The following TLE4 variants were observed in gnomAD, a reference collection of about 807,000 sequenced individuals.
TLE4 encodes TLE family member 4, transcriptional corepressor.
Under a neutral mutation model 92.8 loss-of-function variants are expected in TLE4, and 8 were observed. The ratio of observed to expected loss-of-function variants is 0.09; its 90% CI spans 0.05 to 0.16. TLE4 has a LOEUF of 0.16. Among genes scored for constraint, TLE4 ranks in the 10% least tolerant of loss-of-function variants. The pLI is 1.00. For missense variants in TLE4, 675 were observed against 997.6 expected (o/e 0.68, Z 4.36); for synonymous variants, 371 against 374.1 (o/e 0.99, Z 0.10).
chr9:79,713,009 T>G (rs1399425782), intron 14 of TLE4, among the ~76,000 whole-genome samples: 1 of 152,240 alleles, frequency 6.6e-6, no homozygotes, highest in Non-Finnish European at 1.5e-5. Flanking sequence ...AGTAAAAACC[T>G]TCAACGAGTA....
At chr9:79,586,764 T>C (rs2041210438) in intron 4 of TLE4, among the ~76,000 whole-genome samples, 1 of 152,238 alleles carries the variant, frequency 6.6e-6, no homozygotes, top group Non-Finnish European at 1.5e-5. Flanking sequence ...TTCATTAAAG[T>C]GTAGTTCCAA....
chr9:79,602,598 G>A (rs531488178), intron 4 of TLE4, among the ~76,000 whole-genome samples: 2 of 152,218 alleles, frequency 1.3e-5, no homozygotes, highest in African/African-American at 4.8e-5. Flanking sequence ...TCCCATTGTT[G>A]AGACCTACTG....
At chr9:79,704,690 A>C (rs2071009315) in intron 8 of TLE4, 93 bp from the exon 9 acceptor site, 1 of 1,513,418 alleles carries the variant, frequency 6.6e-7, no homozygotes, top group Non-Finnish European at 8.9e-7. Flanking sequence ...ATGCTAAAGA[A>C]TAAAAAGAAA....
intron 4 of TLE4, among the ~76,000 whole-genome samples, chr9:79,590,008 C>T (rs1219315046): frequency 2.0e-5 from 3 of 152,176 alleles, no homozygotes; most frequent in Admixed American, 6.5e-5. Context: ...TGTGTGGGCG[C>T]TGATCAGTGA....
At chr9:79,684,958 A>G (rs1239989071) in intron 8 of TLE4, among the ~76,000 whole-genome samples, 1 of 152,208 alleles carries the variant, frequency 6.6e-6, no homozygotes, top group African/African-American at 2.4e-5. Flanking sequence ...AAGTCTGCCC[A>G]AGTGGTGACT....
intron 14 of TLE4, among the ~76,000 whole-genome samples, chr9:79,715,852 G>C (rs968503296): frequency 4.6e-5 from 7 of 152,016 alleles, no homozygotes; most frequent in African/African-American, 1.7e-4. Flanking sequence ...ACAAAGAAGA[G>C]CTTATCATCA....
chr9:79,715,692 A>G (rs573639433), intron 14 of TLE4, among the ~76,000 whole-genome samples: 1 of 152,210 alleles, frequency 6.6e-6, no homozygotes, highest in African/African-American at 2.4e-5. Flanking sequence ...CATGGCTGAG[A>G]GTCTTCCACT....
intron 8 of TLE4, among the ~76,000 whole-genome samples, chr9:79,674,430 T>A (rs1048829676): frequency 6.6e-6 from 1 of 152,184 alleles, no homozygotes; most frequent in African/African-American, 2.4e-5. Context: ...ATCTCTATTC[T>A]AGGGTCAGTT....
intron 8 of TLE4, among the ~76,000 whole-genome samples, chr9:79,685,916 T>C (rs952678194): frequency 2.0e-5 from 3 of 152,192 alleles, no homozygotes; most frequent in African/African-American, 7.2e-5. Flanking sequence ...CAGATGGCCC[T>C]CTATATTCCT....
At chr9:79,623,813 C>G (rs2051742286) in intron 5 of TLE4, among the ~76,000 whole-genome samples, 1 of 151,438 alleles carries the variant, frequency 6.6e-6, no homozygotes, top group South Asian at 2.1e-4. Context: ...GGTCCCCTCT[C>G]TTACCCTTGG....
At chr9:79,626,685 T>C (rs1554721640) in intron 5 of TLE4, among the ~76,000 whole-genome samples, 2 of 152,176 alleles carry the variant, frequency 1.3e-5, no homozygotes, top group Non-Finnish European at 2.9e-5. Context: ...GAGTTGTGGA[T>C]GGAGGGATTT....
intron 8 of TLE4, among the ~76,000 whole-genome samples, chr9:79,677,197 T>A (rs937755447): frequency 6.6e-6 from 1 of 152,108 alleles, no homozygotes; most frequent in Non-Finnish European, 1.5e-5. Context: ...AATTGCAGAG[T>A]GCCTGGCATT....
At chr9:79,630,851 A>T (rs762094208) in intron 6 of TLE4, among the ~76,000 whole-genome samples, 2 of 152,214 alleles carry the variant, frequency 1.3e-5, no homozygotes, top group Non-Finnish European at 2.9e-5. Context: ...TTCACCAAAG[A>T]AACTACCATT....
chr9:79,723,490 A>G (rs1196488124), intron 19 of TLE4, among the ~76,000 whole-genome samples: 5 of 152,160 alleles, frequency 3.3e-5, no homozygotes, highest in African/African-American at 9.7e-5. Context: ...TATTTTCCCT[A>G]TTGACTCAGT....
At chr9:79,664,728 T>A (rs1181528837) in intron 8 of TLE4, among the ~76,000 whole-genome samples, 2 of 152,156 alleles carry the variant, frequency 1.3e-5, no homozygotes, top group Non-Finnish European at 2.9e-5. Context: ...CTTCCCTCCC[T>A]CTTTTCAAAT....
rs569272461 is a variant in TLE4, at chr9:79,680,498, G to A, written c.610-24285G>A. On this transcript the variant is annotated intron_variant, in intron 8 of 19. Transcript: ENST00000376552. ...TTTTGTATCCTGAGACTTTGCTGAA[G>A]TTGCTTATCAGCTTAAGGAGATTTT... Among the ~76,000 whole-genome samples, 21 of 152,268 alleles carry A rather than the reference G, an allele frequency of 1.4e-4. No individual in the cohort carries two copies. In the East Asian group the frequency reaches 3.5e-3, roughly 25 times the overall value.
chr9:79,673,213 G>A (rs7869590), intron 8 of TLE4, among the ~76,000 whole-genome samples: 4 of 152,164 alleles, frequency 2.6e-5, no homozygotes, highest in African/African-American at 9.7e-5. Context: ...TTTTTAAAGA[G>A]CTAGTTGTGT....
chr9:79,625,430 C>T (rs1048682740), intron 5 of TLE4, among the ~76,000 whole-genome samples: 3 of 152,118 alleles, frequency 2.0e-5, no homozygotes, highest in East Asian at 1.9e-4. Flanking sequence ...AGTTAAAACA[C>T]GAACAATTTG....
At chr9:79,575,437 G>A (rs1312505958) in intron 3 of TLE4, among the ~76,000 whole-genome samples, 1 of 152,020 alleles carries the variant, frequency 6.6e-6, no homozygotes, top group Non-Finnish European at 1.5e-5. Context: ...TTCTCTTTAT[G>A]TTACTATTAC....
Sources: allele counts gnomAD v4.1 joint callset (sites outside exome capture counted in the v4.1 genomes callset), GRCh38; gene constraint gnomAD v4.1.1; transcripts MANE v1.5; gene names NCBI Gene and HGNC (gene_info 2026-07-23, HGNC 2026-07-21).